The following RHOBTB1 variants were observed in gnomAD, a reference collection of about 807,000 sequenced individuals.
RHOBTB1 encodes the protein rho-related BTB domain-containing protein 1.
In RHOBTB1, 40 loss-of-function variants were observed where a neutral mutation model predicts 71.6. The ratio of observed to expected loss-of-function variants is 0.56; its 90% CI spans 0.43 to 0.73. The LOEUF (loss-of-function observed/expected upper bound fraction) is 0.73. RHOBTB1 is among the 30% of genes least tolerant of loss of function. The pLI, the probability that RHOBTB1 is intolerant of heterozygous loss-of-function variation, is 0.00. For missense variants in RHOBTB1, 797 were observed against 894.0 expected, an observed-to-expected ratio of 0.89 and a Z score of 1.38; for synonymous variants, 319 against 334.9, an observed-to-expected ratio of 0.95 and a Z score of 0.52.
intron 4 of RHOBTB1, among the ~76,000 whole-genome samples, chr10:60,897,866 G>A (rs1488099337): frequency 6.6e-6 from 1 of 151,940 alleles, no homozygotes; most frequent in Non-Finnish European, 1.5e-5. Context: ...GACCATGCCT[G>A]GCTAATTTTT....
At position 60,872,211 on chromosome 10, in the gene RHOBTB1, C is replaced by T. The variant is rs771766765; in HGVS notation, c.1895G>A (p.Arg632His). The T allele has an allele frequency of 1.9e-5, 30 of 1,613,926 alleles. No homozygotes were observed. Among genetic ancestry groups the T allele is most frequent in the African/African-American group, 2.7e-5 (2 of 75,030 alleles). The change falls in exon 10 of 11, where the codon CGT becomes CAT. Residue 632 changes from arginine to histidine, a missense_variant. Arg to His is a conservative substitution (Grantham distance 29). This residue lies in a region of RHOBTB1 where 658 missense variants were observed against 681.5 expected (regional missense o/e 0.97). Coordinates refer to ENST00000337910, the MANE Select transcript of RHOBTB1 (RefSeq NM_014836.5). ...TNYNSVCSKFRKEIKSKSADN... is the reference protein window; with the variant it reads ...TNYNSVCSKFHKEIKSKSADN... ...TGCAGATTTTGATTTGATTTCCTTA[C>T]GGAACTTGGAGCATACACTGTTGTA...
At chr10:60,889,469 T>TA (rs2081803542) in intron 5 of RHOBTB1, among the ~76,000 whole-genome samples, 1 of 152,258 alleles carries the variant, frequency 6.6e-6, no homozygotes, top group Non-Finnish European at 1.5e-5. Flanking sequence ...CATTGTTTTT[T>TA]AAATTTTATT....
chr10:60,904,414 G>A (rs1484815435), intron 4 of RHOBTB1, among the ~76,000 whole-genome samples: 4 of 152,030 alleles, frequency 2.6e-5, no homozygotes, highest in African/African-American at 9.7e-5. Context: ...ATGTTCCTTT[G>A]TGATCCATCC....
chr10:60,876,375 A>C (rs901700159), intron 8 of RHOBTB1, among the ~76,000 whole-genome samples: 6 of 152,318 alleles, frequency 3.9e-5, no homozygotes, highest in African/African-American at 1.4e-4. Context: ...TCTAGAGTTC[A>C]CACAAAAAGC....
At chr10:60,992,577 T>A (rs1490780880) in intron 1 of RHOBTB1, among the ~76,000 whole-genome samples, 3 of 152,192 alleles carry the variant, frequency 2.0e-5, no homozygotes, top group African/African-American at 7.2e-5. Flanking sequence ...TGCTTCCATA[T>A]GGTGACAGAA....
chr10:60,978,436 A>T (rs1223253343), intron 2 of RHOBTB1, among the ~76,000 whole-genome samples: 1 of 152,186 alleles, frequency 6.6e-6, no homozygotes, highest in Non-Finnish European at 1.5e-5. Context: ...GGAAGTTATT[A>T]ACATGATTTG....
the RHOBTB1 span, among the ~76,000 whole-genome samples, chr10:60,862,700 CTCTT>C: frequency 2.9e-5 from 4 of 135,684 alleles, no homozygotes; most frequent in Non-Finnish European, 6.3e-5. Context: ...TCTTTCTTTT[CTCTT>C]TCTTTCCTTC....
chr10:60,872,373 G>A (rs1202134767), intron 9 of RHOBTB1, 83 bp from the exon 10 acceptor site: 6 of 940,920 alleles, frequency 6.4e-6, no homozygotes, highest in East Asian at 2.4e-5. Flanking sequence ...TTTTAAGGGT[G>A]AAAAGAAATG....
chr10:60,897,993 C>T (rs971676863), intron 4 of RHOBTB1, among the ~76,000 whole-genome samples: 4 of 152,148 alleles, frequency 2.6e-5, no homozygotes, highest in South Asian at 2.1e-4. Flanking sequence ...CATGAGCCAC[C>T]GCGCCTGGCC....
At chr10:60,930,382 A>C (rs1275111195) in intron 2 of RHOBTB1, among the ~76,000 whole-genome samples, 1 of 152,212 alleles carries the variant, frequency 6.6e-6, no homozygotes, top group Non-Finnish European at 1.5e-5. Context: ...AGAGAACATC[A>C]GTAAGTCTTA....
At chr10:60,947,153 G>T (rs1340578929), upstream of RHOBTB1, among the ~76,000 whole-genome samples, 1 of 152,164 alleles carries the variant, frequency 6.6e-6, no homozygotes, top group Non-Finnish European at 1.5e-5. Flanking sequence ...AATAACGCCT[G>T]TAATCACTGT....
chr10:60,957,997 C>T (rs73266086), intron 2 of RHOBTB1, among the ~76,000 whole-genome samples: 1,773 of 152,290 alleles, frequency 0.012, 38 homozygotes, highest in African/African-American at 0.04. Flanking sequence ...TGTGAGCAGA[C>T]ACCACTTGTG....
At chr10:60,914,814 T>G (rs2083182481) in intron 2 of RHOBTB1, among the ~76,000 whole-genome samples, 1 of 152,222 alleles carries the variant, frequency 6.6e-6, no homozygotes. Flanking sequence ...AATTTCTGTG[T>G]CAAAGGTGAG....
chr10:60,932,152 T>A (rs563880054), intron 2 of RHOBTB1, among the ~76,000 whole-genome samples: 8 of 152,208 alleles, frequency 5.3e-5, no homozygotes, highest in Non-Finnish European at 8.8e-5. Flanking sequence ...TAAATATTGA[T>A]GTACACTCAG....
At chr10:60,985,398 A>G (rs571325316) in intron 2 of RHOBTB1, among the ~76,000 whole-genome samples, 26 of 152,318 alleles carry the variant, frequency 1.7e-4, no homozygotes, top group African/African-American at 5.8e-4. Flanking sequence ...GCCCAGGCCA[A>G]AAAGGGCGGA....
At chr10:60,873,596 A>G (rs2080904151) in intron 9 of RHOBTB1, among the ~76,000 whole-genome samples, 1 of 152,236 alleles carries the variant, frequency 6.6e-6, no homozygotes, top group Non-Finnish European at 1.5e-5. Flanking sequence ...AATGGTCCCA[A>G]TATGAAATTC....
At chr10:60,977,293 T>A (rs984370425) in intron 2 of RHOBTB1, among the ~76,000 whole-genome samples, 1 of 152,052 alleles carries the variant, frequency 6.6e-6, no homozygotes. Context: ...TATAATATAA[T>A]GCAATATGGA....
At chr10:60,994,466 G>A (rs933227345) in intron 1 of RHOBTB1, among the ~76,000 whole-genome samples, 1 of 152,124 alleles carries the variant, frequency 6.6e-6, no homozygotes, top group Admixed American at 6.6e-5. Flanking sequence ...CCCTATGGGA[G>A]AAACAGGCTT....
intron 2 of RHOBTB1, among the ~76,000 whole-genome samples, chr10:60,956,565 C>T (rs2085599159): frequency 6.6e-6 from 1 of 152,086 alleles, no homozygotes; most frequent in South Asian, 2.1e-4. Context: ...AAAATACAAA[C>T]ACATTTAGCT....
Sources: allele counts gnomAD v4.1 joint callset (sites outside exome capture counted in the v4.1 genomes callset), GRCh38; gene constraint gnomAD v4.1.1; regional missense constraint gnomAD v4.1.1; transcripts MANE v1.5; gene names NCBI Gene and HGNC (gene_info 2026-07-23, HGNC 2026-07-21).